Variants in OPCML observed in about 807,000 individuals in gnomAD.
The protein encoded by OPCML is opioid binding protein/cell adhesion molecule like.
Under a neutral mutation model 37.8 loss-of-function variants are expected in OPCML, and 13 were observed. The observed-to-expected ratio is 0.34, with a 90% CI of 0.22 to 0.55. The LOEUF (loss-of-function observed/expected upper bound fraction) is 0.55. Among genes scored for constraint, OPCML ranks in the 20% least tolerant of loss-of-function variants. OPCML has a pLI of 0.91. For missense variants in OPCML, 341 were observed against 435.6 expected (o/e 0.78, Z 1.93); for synonymous variants, 176 against 168.8 (o/e 1.04, Z -0.33).
intron 3 of OPCML, among the ~76,000 whole-genome samples, chr11:132,651,880 G>A (rs75527235): frequency 0.023 from 3,459 of 152,140 alleles, 58 homozygotes; most frequent in Non-Finnish European, 0.034. Context: ...GGCTTAGCAA[G>A]AGGAGTTCAT....
intron 1 of OPCML, among the ~76,000 whole-genome samples, chr11:133,454,432 GT>G (rs1294058438): frequency 2.0e-5 from 3 of 152,148 alleles, no homozygotes; most frequent in Non-Finnish European, 2.9e-5. Flanking sequence ...ATGATCTATA[GT>G]TTTTCCCCCC....
At chr11:132,932,669 T>C (rs1045482098) in intron 2 of OPCML, among the ~76,000 whole-genome samples, 1 of 144,584 alleles carries the variant, frequency 6.9e-6, no homozygotes, top group African/African-American at 2.6e-5. Context: ...ATGGATAAAT[T>C]GTGAATTCAG....
chr11:133,484,596 A>G lies in OPCML; in HGVS notation c.61+47668T>C, dbSNP rs141788366. On this transcript the variant is annotated intron_variant, in intron 1 of 7. Transcript: ENST00000524381. ...AACCACAGGAAAAAAATAAGCAGAA[A>G]CTTTTCAAATTCATTTATAAGGCTA... is the stretch of plus-strand genomic sequence containing the variant. 2.0e-3 allele frequency among the ~76,000 whole-genome samples: 306 copies of G among 152,288 alleles called. 2 individuals carry two copies. The highest frequency in any genetic ancestry group is 6.9e-3 in the African/African-American group (288 of 41,558).
intron 1 of OPCML, among the ~76,000 whole-genome samples, chr11:133,474,020 T>A (rs1257117823): frequency 1.3e-5 from 2 of 152,244 alleles, no homozygotes; most frequent in African/African-American, 2.4e-5. Context: ...TAGCTAAGAA[T>A]AGAAATAGTA....
At chr11:132,786,407 G>A (rs965882132) in intron 2 of OPCML, among the ~76,000 whole-genome samples, 5 of 152,146 alleles carry the variant, frequency 3.3e-5, no homozygotes, top group Admixed American at 2.6e-4. Flanking sequence ...CAATGCCGTA[G>A]ATAACTTTTG....
chr11:133,372,421 C>G (rs763619875), intron 1 of OPCML, among the ~76,000 whole-genome samples: 4 of 152,002 alleles, frequency 2.6e-5, no homozygotes, highest in Non-Finnish European at 4.4e-5. Context: ...TATATCTGTT[C>G]CCTGTTTTCT....
At chr11:132,989,736 G>A (rs1306285880) in intron 1 of OPCML, among the ~76,000 whole-genome samples, 3 of 152,008 alleles carry the variant, frequency 2.0e-5, no homozygotes, top group Non-Finnish European at 4.4e-5. Flanking sequence ...AATACTGAGA[G>A]TGTATCATGG....
intron 1 of OPCML, chr11:133,421,188 A>G: frequency 2.0e-6 from 2 of 985,448 alleles, no homozygotes; most frequent in Non-Finnish European, 2.4e-6. Flanking sequence ...GATAGCTCTC[A>G]GTTGCAAGGG....
intron 2 of OPCML, among the ~76,000 whole-genome samples, chr11:132,901,532 C>T (rs1489712200): frequency 6.6e-6 from 1 of 152,200 alleles, no homozygotes; most frequent in East Asian, 1.9e-4. Context: ...AAAATATACA[C>T]AGACGATGAC....
In OPCML at chr11:132,632,168, T is replaced by A. The variant is rs189710060; in HGVS notation, c.379+24919A>T. Among the ~76,000 whole-genome samples the A allele has an allele frequency of 2.8e-4, 42 of 150,040 alleles. No individual in the cohort carries two copies. In the East Asian group the frequency reaches 7.8e-3, roughly 28 times the overall value. ...AAAAAAAGAAAGAATGAGAACATGA[T>A]TGTGCCACATGGAGATTTGGGCAGG... On this transcript the variant is annotated intron_variant, in intron 3 of 7. Transcript: ENST00000524381.
intron 3 of OPCML, among the ~76,000 whole-genome samples, chr11:132,621,070 G>A (rs1015165118): frequency 1.3e-5 from 2 of 152,274 alleles, no homozygotes; most frequent in African/African-American, 2.4e-5. Flanking sequence ...CAAGGCTTTT[G>A]AAGGATTGGT....
intron 1 of OPCML, among the ~76,000 whole-genome samples, chr11:132,987,789 C>G (rs1210740413): frequency 1.3e-5 from 2 of 152,166 alleles, no homozygotes; most frequent in Non-Finnish European, 2.9e-5. Context: ...AGAAATCATT[C>G]TTTCCCCAAG....
intron 1 of OPCML, among the ~76,000 whole-genome samples, chr11:133,483,340 A>AATAGAT (rs1555165543): frequency 6.0e-5 from 5 of 82,948 alleles, no homozygotes; most frequent in Non-Finnish European, 1.1e-4. Context: ...ATAGATAGAT[A>AATAGAT]ATAGATATAG....
chr11:132,446,762 T>C (rs2096056426), intron 4 of OPCML, among the ~76,000 whole-genome samples: 1 of 152,092 alleles, frequency 6.6e-6, no homozygotes, highest in African/African-American at 2.4e-5. Context: ...AAAAAAAACC[T>C]TCATAATTAA....
At chr11:133,285,179 T>C (rs1942263560) in intron 1 of OPCML, among the ~76,000 whole-genome samples, 1 of 152,094 alleles carries the variant, frequency 6.6e-6, no homozygotes, top group Non-Finnish European at 1.5e-5. Context: ...AAGCAAGGTG[T>C]GTTTGTCCCA....
At chr11:133,152,213 TCTC>T (rs992903552) in intron 1 of OPCML, among the ~76,000 whole-genome samples, 1 of 152,016 alleles carries the variant, frequency 6.6e-6, no homozygotes, top group African/African-American at 2.4e-5. Flanking sequence ...CCCCTTCCAA[TCTC>T]CTTCCTTACC....
intron 1 of OPCML, among the ~76,000 whole-genome samples, chr11:133,353,790 T>C (rs568659264): frequency 2.0e-5 from 3 of 152,208 alleles, no homozygotes; most frequent in Non-Finnish European, 4.4e-5. Context: ...TTTTGGACGA[T>C]GTAGATAAAA....
chr11:133,128,296 T>C (rs1305804082), intron 1 of OPCML, among the ~76,000 whole-genome samples: 1 of 152,212 alleles, frequency 6.6e-6, no homozygotes, highest in Admixed American at 6.5e-5. Flanking sequence ...TTCATTGCTC[T>C]TCTGACAGTT....
At position 133,517,930 on chromosome 11, in the gene OPCML, A is replaced by T. The variant is rs549277285; in HGVS notation, c.61+14334T>A. On this transcript the variant is annotated intron_variant, in intron 1 of 7. Coordinates refer to ENST00000524381, the MANE Select transcript of OPCML (RefSeq NM_001012393.5). ...AGGCACAGAATGGGCAAGGAGGATG[A>T]CTGGGGTCCTAAATTTCTCCATTTC... Among the ~76,000 whole-genome samples, 259 of 152,302 alleles carry T rather than the reference A, an allele frequency of 1.7e-3. 1 individual carries two copies. The highest frequency in any genetic ancestry group is 5.6e-3 in the African/African-American group (234 of 41,568).
Sources: gnomAD v4.1 joint callset for allele counts (sites outside exome capture counted in the v4.1 genomes callset) on GRCh38, gnomAD v4.1.1 for gene constraint, MANE v1.5 for transcripts, NCBI Gene and HGNC (gene_info 2026-07-23, HGNC 2026-07-21) for gene names.